The following EPB41L4B variants were observed in gnomAD, a reference collection of about 807,000 sequenced individuals.
EPB41L4B encodes band 4.1-like protein 4B.
In EPB41L4B, 30 loss-of-function variants were observed where a neutral mutation model predicts 112.5. That is an observed-to-expected ratio of 0.27 (90% confidence interval 0.20 to 0.36). The LOEUF (loss-of-function observed/expected upper bound fraction) is 0.36. Ranked by LOEUF, EPB41L4B falls within the 10% of genes least tolerant of loss-of-function variation. EPB41L4B has a pLI of 1.00. For missense variants in EPB41L4B, 1,024 were observed against 1,133.3 expected, an observed-to-expected ratio of 0.90 and a Z score of 1.38; for synonymous variants, 408 against 439.7, an observed-to-expected ratio of 0.93 and a Z score of 0.90.
chr9:109,202,164 T>C (rs537242432), intron 19 of EPB41L4B, among the ~76,000 whole-genome samples: 227 of 152,220 alleles, frequency 1.5e-3, no homozygotes, highest in African/African-American at 5.2e-3. Flanking sequence ...AATAATACCA[T>C]TGACTAAGAA....
At chr9:109,316,296 A>G (rs747143209) in intron 1 of EPB41L4B, among the ~76,000 whole-genome samples, 1 of 152,222 alleles carries the variant, frequency 6.6e-6, no homozygotes, top group Non-Finnish European at 1.5e-5. Flanking sequence ...CCTCCAAAGC[A>G]TGGCGGGAGT....
rs117653716 is a variant in EPB41L4B, at chr9:109,232,786, G to A, written c.1409+10832C>T. ...GGGTACGTGTTTCTAGGGTGATACAGATGAGGATTAATTTATTTTGGTATT... is the reference window on the plus strand; with the variant it reads ...GGGTACGTGTTTCTAGGGTGATACAAATGAGGATTAATTTATTTTGGTATT... On this transcript the variant is annotated intron_variant, in intron 15 of 25. Transcript: ENST00000374566. 3.9e-5 allele frequency among the ~76,000 whole-genome samples: 6 copies of A among 152,350 alleles called. No individual in the cohort carries two copies. The East Asian group carries it at 9.6e-4, about 24-fold the overall frequency.
chr9:109,272,194 C>T (rs1356918432), intron 2 of EPB41L4B, among the ~76,000 whole-genome samples: 2 of 152,178 alleles, frequency 1.3e-5, no homozygotes, highest in Admixed American at 1.3e-4. Context: ...TGGTGGCTCA[C>T]ACCTGTAATC....
intron 15 of EPB41L4B, among the ~76,000 whole-genome samples, chr9:109,235,688 A>C (rs1834115848): frequency 6.6e-6 from 1 of 152,102 alleles, no homozygotes; most frequent in African/African-American, 2.4e-5. Flanking sequence ...ATGATTCACC[A>C]CGCCCGGCCT....
At chr9:109,174,656 A>G (rs544506690) in intron 25 of EPB41L4B, 33 bp from the exon 26 acceptor site, 1 of 1,594,660 alleles carries the variant, frequency 6.3e-7, no homozygotes, top group Non-Finnish European at 8.6e-7. Context: ...ATAGTGAGAC[A>G]ATCCCTCAAA....
intron 1 of EPB41L4B, among the ~76,000 whole-genome samples, chr9:109,292,144 C>T (rs1337675907): frequency 6.6e-6 from 1 of 152,180 alleles, no homozygotes; most frequent in Admixed American, 6.5e-5. Flanking sequence ...TTCCTGTCTA[C>T]CTATAGGTCT....
intron 20 of EPB41L4B, among the ~76,000 whole-genome samples, chr9:109,199,253 T>C (rs1283226805): frequency 1.3e-5 from 2 of 152,130 alleles, no homozygotes; most frequent in Admixed American, 1.3e-4. Context: ...GGATATGCCG[T>C]GGAAAGCAGC....
In EPB41L4B at chr9:109,240,676, C is replaced by T. The variant is rs1002818364; in HGVS notation, c.1409+2942G>A. ...CAGACTAGGGCAACAACCATCTCAT[C>T]CTACTCTACAGAATGCTTTGGCACA... On this transcript the variant is annotated intron_variant, in intron 15 of 25. Transcript: ENST00000374566. The T allele has an allele frequency of 1.2e-5, 12 of 985,294 alleles. No individual in the cohort carries two copies. In the African/African-American group the frequency reaches 2.1e-4, roughly 17 times the overall value. 61.0% of individuals were successfully genotyped at this position (985,294 alleles called of 1,614,324 possible).
intron 17 of EPB41L4B, among the ~76,000 whole-genome samples, chr9:109,210,426 C>A (rs1026880623): frequency 2.0e-5 from 3 of 152,102 alleles, no homozygotes; most frequent in Admixed American, 1.3e-4. Context: ...TTATAAAGCC[C>A]ATTTGAGGCT....
intron 14 of EPB41L4B, 50 bp from the exon 15 acceptor site, chr9:109,243,732 TG>T (rs766500430): frequency 1.9e-6 from 3 of 1,564,546 alleles, no homozygotes; most frequent in Non-Finnish European, 2.6e-6. Context: ...TTAATTTCAA[TG>T]GTCCTCATTC....
At chr9:109,195,818 A>G (rs1448528225) in intron 20 of EPB41L4B, among the ~76,000 whole-genome samples, 2 of 152,238 alleles carry the variant, frequency 1.3e-5, no homozygotes, top group East Asian at 1.9e-4. Context: ...GACACTGCCT[A>G]AAATTGAAAA....
intron 19 of EPB41L4B, among the ~76,000 whole-genome samples, chr9:109,202,928 G>A (rs1022640900): frequency 6.6e-6 from 1 of 152,090 alleles, no homozygotes; most frequent in Non-Finnish European, 1.5e-5. Context: ...GGCCGGGGTG[G>A]GTGGATCACT....
chr9:109,205,754 TG>T (rs1249180875), intron 18 of EPB41L4B, among the ~76,000 whole-genome samples: 2 of 152,216 alleles, frequency 1.3e-5, no homozygotes, highest in Admixed American at 1.3e-4. Context: ...CCAGGTACTC[TG>T]CATAGATAAT....
At chr9:109,304,532 C>T (rs555272630) in intron 1 of EPB41L4B, among the ~76,000 whole-genome samples, 2 of 152,232 alleles carry the variant, frequency 1.3e-5, no homozygotes, top group East Asian at 3.9e-4. Context: ...TCATCTTTGC[C>T]CTTCTAAAGG....
intron 15 of EPB41L4B, among the ~76,000 whole-genome samples, chr9:109,237,331 A>G (rs1834182413): frequency 6.6e-6 from 1 of 152,238 alleles, no homozygotes; most frequent in Admixed American, 6.5e-5. Context: ...AATTACATCA[A>G]TCAAATGACA....
At chr9:109,232,578 G>A (rs988949831) in intron 15 of EPB41L4B, among the ~76,000 whole-genome samples, 1 of 152,108 alleles carries the variant, frequency 6.6e-6, no homozygotes, top group African/African-American at 2.4e-5. Context: ...GCATGAGCTG[G>A]GAAGTGTTAT....
In EPB41L4B at chr9:109,255,749, G is replaced by T. The variant is rs777327697; in HGVS notation, c.999+25C>A. On this transcript the variant is annotated intron_variant, in intron 10 of 25. Transcript: ENST00000374566. ...CCAACACAGGATTTTCACAGCAAGG[G>T]GGAAGAAATGGGAGCCAGGCCTACC... 3 of 1,612,716 alleles carry T rather than the reference G, an allele frequency of 1.9e-6. No individual in the cohort carries two copies. In the South Asian group the frequency reaches 3.3e-5, roughly 18 times the overall value.
At chr9:109,259,829 A>T (rs148594261) in intron 6 of EPB41L4B, among the ~76,000 whole-genome samples, 15 of 152,314 alleles carry the variant, frequency 9.8e-5, no homozygotes, top group Admixed American at 3.9e-4. Flanking sequence ...CTCAGGAGGC[A>T]TCGAGGACAA....
At chr9:109,290,680 A>T (rs1836488491) in intron 1 of EPB41L4B, among the ~76,000 whole-genome samples, 2 of 150,346 alleles carry the variant, frequency 1.3e-5, no homozygotes. Flanking sequence ...ATAACTTGCC[A>T]CTTTCTATGA....
Sources: allele counts gnomAD v4.1 joint callset (sites outside exome capture counted in the v4.1 genomes callset), GRCh38; gene constraint gnomAD v4.1.1; transcripts MANE v1.5; gene names NCBI Gene and HGNC (gene_info 2026-07-23, HGNC 2026-07-21).